The following MROH9 variants were observed in gnomAD, a reference collection of about 807,000 sequenced individuals.
MROH9 encodes maestro heat-like repeat-containing protein family member 9.
MROH9 carries 92 observed loss-of-function variants against 98.2 expected under a neutral mutation model. The observed-to-expected ratio is 0.94, with a 90% CI of 0.79 to 1.11. The LOEUF is 1.11. Among genes scored for constraint, MROH9 ranks in the 50% most tolerant of loss-of-function variants. The pLI is 0.00. For missense variants in MROH9, 1,057 were observed against 1,014.8 expected, an observed-to-expected ratio of 1.04 and a Z score of -0.57; for synonymous variants, 397 against 368.9, an observed-to-expected ratio of 1.08 and a Z score of -0.87.
chr1:171,052,733 A>T (rs1653709866), intron 20 of MROH9, among the ~76,000 whole-genome samples: 1 of 152,176 alleles, frequency 6.6e-6, no homozygotes, highest in Admixed American at 6.5e-5. Context: ...ATGCCTGGAA[A>T]TGTGCCCTGG....
intron 20 of MROH9, among the ~76,000 whole-genome samples, chr1:171,057,963 A>AT (rs1313088580): frequency 3.2e-4 from 48 of 149,344 alleles, no homozygotes; most frequent in African/African-American, 1.2e-3. Flanking sequence ...AGCACTAAAT[A>AT]TGGGGGGAAA....
chr1:170,942,404 CA>C (rs1557866613), intron 1 of MROH9, among the ~76,000 whole-genome samples: 76 of 135,688 alleles, frequency 5.6e-4, no homozygotes, highest in South Asian at 8.3e-4. Flanking sequence ...CACACACACA[CA>C]CACACCCTCA....
intron 20 of MROH9, among the ~76,000 whole-genome samples, chr1:171,030,318 G>A (rs935240536): frequency 1.3e-5 from 2 of 151,842 alleles, no homozygotes; most frequent in Non-Finnish European, 2.9e-5. Context: ...GTTACTTATT[G>A]TCTTATGCTA....
chr1:170,950,476 T>G lies in MROH9; in HGVS notation c.72+2903T>G, dbSNP rs188388687. Among the ~76,000 whole-genome samples, 175 of 151,876 alleles carry G rather than the reference T, an allele frequency of 1.2e-3. 1 individual carries two copies. The highest frequency in any genetic ancestry group is 4.1e-3 in the African/African-American group (168 of 41,434). On this transcript the variant is annotated intron_variant, in intron 3 of 21. Coordinates refer to ENST00000367759, the MANE Select transcript of MROH9 (RefSeq NM_001163629.2). ...AACATAGAACCAATTCCTGTATATA[T>G]ACCTTAGAGGCTAAAACTGCTCACA...
chr1:171,053,945 G>A (rs1402244666), intron 20 of MROH9, among the ~76,000 whole-genome samples: 1 of 152,104 alleles, frequency 6.6e-6, no homozygotes, highest in South Asian at 2.1e-4. Flanking sequence ...TGTAAGAGAT[G>A]ATGGCCAAGA....
At position 171,024,541 on chromosome 1, in the gene MROH9, A is replaced by G; in HGVS notation, c.2055A>G (p.Val685=). Residue 685 remains valine, a synonymous_variant, in exon 18 of 22, where the codon GTA becomes GTG. Coordinates refer to ENST00000367759, the MANE Select transcript of MROH9 (RefSeq NM_001163629.2). ...ILFLEDDDKR[V]AEACKYTLKI... is the part of the protein sequence containing the mutation. ...TTTTGGAGGATGATGATAAAAGAGT[A>G]GCTGAAGTAAGTCATTTGATCTTCT... is the stretch of plus-strand genomic sequence containing the variant. 1 of 1,529,780 alleles carries G rather than the reference A, an allele frequency of 6.5e-7. No homozygotes were observed. Among genetic ancestry groups the G allele is most frequent in the South Asian group, 1.3e-5 (1 of 79,678 alleles). The allele number at this position is 1,529,780 out of a possible 1,614,324, so 94.8% of individuals were successfully genotyped here.
chr1:171,020,748 T>G (rs1306894920), intron 17 of MROH9, among the ~76,000 whole-genome samples: 2 of 152,178 alleles, frequency 1.3e-5, no homozygotes, highest in African/African-American at 2.4e-5. Flanking sequence ...ATCATAGTAT[T>G]GGAAGTTCTG....
At chr1:171,012,852 C>T (rs1044709872) in intron 15 of MROH9, among the ~76,000 whole-genome samples, 5 of 152,130 alleles carry the variant, frequency 3.3e-5, no homozygotes, top group Admixed American at 6.5e-5. Flanking sequence ...ATTTGACTGT[C>T]AGTTATTAAA....
At chr1:171,029,621 G>A (rs1652840054) in intron 20 of MROH9, among the ~76,000 whole-genome samples, 1 of 152,206 alleles carries the variant, frequency 6.6e-6, no homozygotes, top group East Asian at 1.9e-4. Context: ...TGTTGAATCA[G>A]CCTTGCATCG....
At chr1:171,052,380 G>A (rs978128091) in intron 20 of MROH9, among the ~76,000 whole-genome samples, 4 of 152,180 alleles carry the variant, frequency 2.6e-5, no homozygotes, top group Non-Finnish European at 4.4e-5. Context: ...TGGGAATCCA[G>A]GGGGTAAAGC....
At position 171,064,627 on chromosome 1, in the gene MROH9, T is replaced by A; in HGVS notation, c.*287T>A. On this transcript the variant is annotated 3_prime_UTR_variant, in exon 22 of 22. Coordinates refer to ENST00000367759, the MANE Select transcript of MROH9 (RefSeq NM_001163629.2). The stretch of plus-strand genomic sequence containing the variant: ...AAAATAACATAAGCAAAGTGTTTGA[T>A]GAGAAGCTCTGGGAACTTGATTCAG... 1 of 263,952 alleles carries A rather than the reference T, an allele frequency of 3.8e-6. No homozygotes were observed. The highest frequency in any genetic ancestry group is 7.1e-6 in the Non-Finnish European group (1 of 141,308). The allele number at this position is 263,952 out of a possible 1,614,324, so 16.4% of individuals were successfully genotyped here. A position where few individuals can be genotyped will look rare whatever the true frequency, so the allele number is the denominator to read the frequency against.
intron 1 of MROH9, among the ~76,000 whole-genome samples, chr1:170,937,546 G>T (rs1648941264): frequency 7.4e-6 from 1 of 134,410 alleles, no homozygotes; most frequent in African/African-American, 2.8e-5. Flanking sequence ...TTTTGAGACG[G>T]AGTCTCGCTC....
chr1:170,955,183 A>C lies in MROH9; in HGVS notation c.73-3278A>C, dbSNP rs559140835. On this transcript the variant is annotated intron_variant, in intron 3 of 21. Transcript: ENST00000367759. ...CTGAGTAGTATTCCATTTTATGTAT[A>C]TATATATACATACCACAGTTTCTTT... 2.7e-4 allele frequency among the ~76,000 whole-genome samples: 41 copies of C among 152,102 alleles called. No individual in the cohort carries two copies. In the South Asian group the frequency reaches 8.3e-3, roughly 31 times the overall value.
chr1:170,967,307 C>G (rs987642650), intron 7 of MROH9, among the ~76,000 whole-genome samples: 4 of 152,166 alleles, frequency 2.6e-5, no homozygotes, highest in Admixed American at 1.3e-4. Context: ...TCAACCAGCT[C>G]ATCACAATCA....
intron 1 of MROH9, among the ~76,000 whole-genome samples, chr1:170,939,827 C>G (rs1649051031): frequency 6.6e-6 from 1 of 152,148 alleles, no homozygotes; most frequent in Non-Finnish European, 1.5e-5. Flanking sequence ...GGCTGTTTCT[C>G]AAAAGAAGAC....
intron 9 of MROH9, among the ~76,000 whole-genome samples, chr1:170,983,958 G>A (rs997398929): frequency 2.0e-5 from 3 of 152,096 alleles, no homozygotes; most frequent in African/African-American, 7.2e-5. Context: ...GTTTAAAAGC[G>A]CTATTAAATG....
chr1:170,998,101 A>G, intron 14 of MROH9, 53 bp from the exon 15 acceptor site: 1 of 1,351,492 alleles, frequency 7.4e-7, no homozygotes, highest in Middle Eastern at 2.3e-4. Flanking sequence ...CTTTGCCACT[A>G]TTAGCATGGT....
At chr1:171,025,493 T>C (rs1384202215) in intron 20 of MROH9, 73 bp downstream of exon 20, 1 of 1,022,180 alleles carries the variant, frequency 9.8e-7, no homozygotes, top group East Asian at 2.6e-5. Flanking sequence ...TAAAAGTCTT[T>C]CTTACATTTT....
chr1:171,033,470 T>G (rs1158570547), intron 20 of MROH9, among the ~76,000 whole-genome samples: 2 of 152,184 alleles, frequency 1.3e-5, no homozygotes, highest in African/African-American at 2.4e-5. Context: ...ATGGGTAGCA[T>G]GCTCACTCAC....
Sources: gnomAD v4.1 joint callset for allele counts (sites outside exome capture counted in the v4.1 genomes callset) on GRCh38, gnomAD v4.1.1 for gene constraint, MANE v1.5 for transcripts, NCBI Gene and HGNC (gene_info 2026-07-23, HGNC 2026-07-21) for gene names.